The following D2HGDH variants were observed in gnomAD, a reference collection of about 807,000 sequenced individuals.
D2HGDH encodes the protein D-2-hydroxyglutarate dehydrogenase, mitochondrial.
A neutral mutation model predicts 46.9 loss-of-function variants in D2HGDH; 31 were observed. The ratio of observed to expected loss-of-function variants is 0.66; its 90% CI spans 0.50 to 0.89. D2HGDH has a LOEUF of 0.89. Among genes scored for constraint, D2HGDH ranks in the 40% least tolerant of loss-of-function variants. D2HGDH has a pLI of 0.00. For synonymous variants in D2HGDH, 364 were observed against 332.6 expected (o/e 1.09, Z -1.03); for missense variants, 698 against 720.8 (o/e 0.97, Z 0.36).
chr2:241,756,685 C>T (rs940146866), intron 9 of D2HGDH, among the ~76,000 whole-genome samples: 3 of 152,162 alleles, frequency 2.0e-5, no homozygotes, highest in Non-Finnish European at 4.4e-5. Context: ...CCAGGCCTGG[C>T]TAATTTTTGT....
In D2HGDH at chr2:241,744,889, C is replaced by T. The variant is rs201588023; in HGVS notation, c.853+12C>T. 69 of 1,613,792 alleles carry T rather than the reference C, an allele frequency of 4.3e-5. No homozygotes were observed. The highest frequency in any genetic ancestry group is 2.0e-4 in the East Asian group (9 of 44,866). ...CGTGGCTTTCCTCGGTGGGCTTCCTCGATGTGTGCCTTGAGATGGGTGGTT... is the reference window on the plus strand; with the variant it reads ...CGTGGCTTTCCTCGGTGGGCTTCCTTGATGTGTGCCTTGAGATGGGTGGTT... On this transcript the variant is annotated intron_variant, in intron 6 of 9. Transcript: ENST00000321264.
intron 2 of D2HGDH, among the ~76,000 whole-genome samples, chr2:241,738,614 G>T (rs1199193478): frequency 6.6e-6 from 1 of 152,222 alleles, no homozygotes; most frequent in Non-Finnish European, 1.5e-5. Context: ...CCTCTGCCTT[G>T]CCTGAGCCTG....
chr2:241,749,306 C>T (rs1357385826), intron 6 of D2HGDH: 2 of 1,288,240 alleles, frequency 1.6e-6, no homozygotes, highest in Middle Eastern at 2.1e-4. Flanking sequence ...CAGGTGTCTG[C>T]CCCCAGCCTC....
At chr2:241,762,071 T>C (rs1300599411) in intron 9 of D2HGDH, among the ~76,000 whole-genome samples, 6 of 42,694 alleles carry the variant, frequency 1.4e-4, no homozygotes, top group African/African-American at 3.4e-4. Flanking sequence ...TTCTTTTCCT[T>C]TTTTTTTTTT....
chr2:241,757,971 A>G (rs1698347558), intron 9 of D2HGDH, among the ~76,000 whole-genome samples: 1 of 152,066 alleles, frequency 6.6e-6, no homozygotes, highest in Non-Finnish European at 1.5e-5. Flanking sequence ...AAAAAAAAAA[A>G]AAAAGCAAGA....
In D2HGDH at chr2:241,744,843, A is replaced by T; in HGVS notation, c.819A>T (p.Pro273=). The change falls in exon 6 of 10, where the codon CCA becomes CCT. Residue 273 remains proline (P), a synonymous_variant. Coordinates refer to ENST00000321264, the MANE Select transcript of D2HGDH (RefSeq NM_152783.5). The part of the protein sequence containing the change: ...GIITTVSILC[P]PKPRAVNVAF... ...TCACCACGGTGTCCATCTTGTGTCC[A>T]CCCAAGCCCAGGGCTGTGAACGTGG... The T allele has an allele frequency of 6.2e-7, 1 of 1,613,460 alleles. No individual in the cohort carries two copies. The highest frequency in any genetic ancestry group is 8.5e-7 in the Non-Finnish European group (1 of 1,179,898).
chr2:241,736,432 C>CCCTCGGCTG (rs1553600824), intron 2 of D2HGDH, among the ~76,000 whole-genome samples: 1 of 151,752 alleles, frequency 6.6e-6, no homozygotes, highest in Non-Finnish European at 1.5e-5. Flanking sequence ...GGGCTGCGCT[C>CCCTCGGCTG]CCTCCAAAGC....
chr2:241,747,546 G>GGTT (rs1553606589), intron 6 of D2HGDH, among the ~76,000 whole-genome samples: 4 of 136,708 alleles, frequency 2.9e-5, no homozygotes, highest in Non-Finnish European at 6.2e-5. Context: ...TCAGGAGAGT[G>GGTT]TTTTTTTTTT....
intron 9 of D2HGDH, among the ~76,000 whole-genome samples, chr2:241,758,770 T>TGTGG (rs1698448152): frequency 3.2e-5 from 1 of 31,714 alleles, no homozygotes. Context: ...CCACAATATA[T>TGTGG]GTGTGTGTGT....
At position 241,768,340 on chromosome 2, in the gene D2HGDH, G is replaced by C. The variant is rs1409071702; in HGVS notation, c.*371G>C. 1 of 241,386 alleles carries C rather than the reference G, an allele frequency of 4.1e-6. No homozygotes were observed. Among genetic ancestry groups the C allele is most frequent in the African/African-American group, 2.3e-5 (1 of 43,744 alleles). The allele number at this position is 241,386 out of a possible 1,614,324, so 15.0% of individuals were successfully genotyped here. A position where few individuals can be genotyped will look rare whatever the true frequency, so the allele number is the denominator to read the frequency against. On this transcript the variant is annotated 3_prime_UTR_variant, in exon 10 of 10. Coordinates refer to ENST00000321264, the MANE Select transcript of D2HGDH (RefSeq NM_152783.5). ...CAGGCGCTGGGTGGTGGTTCTGCCT[G>C]CTTGCTGCTCGTTCCCCGGGCATGC...
chr2:241,739,117 G>A (rs542204791), intron 2 of D2HGDH, among the ~76,000 whole-genome samples: 5 of 152,344 alleles, frequency 3.3e-5, no homozygotes, highest in African/African-American at 9.6e-5. Context: ...GGCCCCCTCC[G>A]TCTTTGTGGG....
intron 6 of D2HGDH, among the ~76,000 whole-genome samples, chr2:241,747,692 A>G (rs1696241839): frequency 6.6e-6 from 1 of 151,704 alleles, no homozygotes; most frequent in South Asian, 2.1e-4. Flanking sequence ...CCTCCCTAGT[A>G]GCTGGGACCA....
rs1001524638 is a variant in D2HGDH, at chr2:241,743,288, G to A, written c.491-334G>A. Reference sequence around the variant, plus strand: ...GGTGCCCATGGCACCCCCAACCCAGGCATTGTCCCACATGCCCAGGGCAGG... The same window carrying A: ...GGTGCCCATGGCACCCCCAACCCAGACATTGTCCCACATGCCCAGGGCAGG... On this transcript the variant is annotated intron_variant, in intron 4 of 9. Coordinates refer to ENST00000321264, the MANE Select transcript of D2HGDH (RefSeq NM_152783.5). The surrounding 1 kb of genome is among the most constrained non-coding windows in gnomAD (Gnocchi z 4.8). Among the ~76,000 whole-genome samples the A allele has an allele frequency of 6.6e-6, 1 of 152,240 alleles. No homozygotes were observed. The highest frequency in any genetic ancestry group is 2.4e-5 in the African/African-American group (1 of 41,454).
intron 8 of D2HGDH, among the ~76,000 whole-genome samples, chr2:241,752,677 G>A (rs1046710675): frequency 6.6e-6 from 1 of 151,930 alleles, no homozygotes; most frequent in Non-Finnish European, 1.5e-5. Flanking sequence ...GGGCGGGAAC[G>A]TGAGCCCAAC....
intron 9 of D2HGDH, among the ~76,000 whole-genome samples, chr2:241,758,767 A>ATGTGTGTGTGTGTGTGTGTG (rs768590214): frequency 1.0e-4 from 11 of 106,138 alleles, no homozygotes; most frequent in East Asian, 5.8e-4. Flanking sequence ...GCCCCACAAT[A>ATGTGTGTGTGTGTGTGTGTG]TATGTGTGTG....
intron 2 of D2HGDH, among the ~76,000 whole-genome samples, chr2:241,737,651 A>G (rs1196743543): frequency 6.6e-6 from 1 of 152,064 alleles, no homozygotes; most frequent in African/African-American, 2.4e-5. Flanking sequence ...CACGCCTGTA[A>G]CCCAGTTCTG....
At position 241,768,694 on chromosome 2, in the gene D2HGDH, A is replaced by G. The variant is rs1279413121; in HGVS notation, c.*725A>G. 6.6e-6 allele frequency: 1 copy of G among 152,290 alleles called. No homozygotes were observed. The highest frequency in any genetic ancestry group is 1.5e-5 in the Non-Finnish European group (1 of 68,112). 9.4% of individuals were successfully genotyped at this position (152,290 alleles called of 1,614,324 possible). ...GAGGGCCCCGGCACGGACAAGGGCC[A>G]CTGCAGAGTGTGTTTCTGCTCGTCA... On this transcript the variant is annotated 3_prime_UTR_variant, in exon 10 of 10. Transcript: ENST00000321264.
intron 2 of D2HGDH, among the ~76,000 whole-genome samples, chr2:241,739,111 C>G (rs751853169): frequency 6.6e-5 from 10 of 152,238 alleles, no homozygotes; most frequent in Admixed American, 2.0e-4. Context: ...CCCCATGGCC[C>G]CCTCCGTCTT....
At position 241,768,319 on chromosome 2, in the gene D2HGDH, C is replaced by T. The variant is rs543760059; in HGVS notation, c.*350C>T. ...TGCCTGCTGCGGCCTGGGGAGCAGG[C>T]GCTGGGTGGTGGTTCTGCCTGCTTG... On this transcript the variant is annotated 3_prime_UTR_variant, in exon 10 of 10. Coordinates refer to ENST00000321264, the MANE Select transcript of D2HGDH (RefSeq NM_152783.5). 78 of 270,912 alleles carry T rather than the reference C, an allele frequency of 2.9e-4. No individual in the cohort carries two copies. The Middle Eastern group carries it at 8.4e-3, about 29-fold the overall frequency. 16.8% of individuals were successfully genotyped at this position (270,912 alleles called of 1,614,324 possible). A position where few individuals can be genotyped will look rare whatever the true frequency, so the allele number is the denominator to read the frequency against.
Sources: allele counts gnomAD v4.1 joint callset (sites outside exome capture counted in the v4.1 genomes callset), GRCh38; gene constraint gnomAD v4.1.1; non-coding constraint Gnocchi (gnomAD v3.1); transcripts MANE v1.5; gene names NCBI Gene and HGNC (gene_info 2026-07-23, HGNC 2026-07-21).